Variants in CTNNA2 observed in about 807,000 individuals in gnomAD.
CTNNA2 encodes the protein catenin alpha-2.
A neutral mutation model predicts 101.0 loss-of-function variants in CTNNA2; 42 were observed. The observed-to-expected ratio is 0.42, with a 90% CI of 0.32 to 0.54. The LOEUF (loss-of-function observed/expected upper bound fraction) is 0.54. Ranked by LOEUF, CTNNA2 falls within the 20% of genes least tolerant of loss-of-function variation. The pLI is 0.14. For synonymous variants in CTNNA2, 450 were observed against 456.4 expected (o/e 0.99, Z 0.18); for missense variants, 871 against 1,223.1 (o/e 0.71, Z 4.29).
At chr2:79,601,147 T>C (rs1249545787) in intron 1 of CTNNA2, among the ~76,000 whole-genome samples, 1 of 152,182 alleles carries the variant, frequency 6.6e-6, no homozygotes, top group African/African-American at 2.4e-5. Flanking sequence ...TCAATTATTA[T>C]GGGAAGAAAT....
chr2:79,454,732 A>G (rs963455879), intron 4 of CTNNA2, among the ~76,000 whole-genome samples: 1 of 137,588 alleles, frequency 7.3e-6, no homozygotes, highest in Non-Finnish European at 1.6e-5. Flanking sequence ...CAGACTCATA[A>G]GAGAAACCTA....
chr2:79,890,138 C>A (rs1172685635), intron 6 of CTNNA2, among the ~76,000 whole-genome samples: 2 of 152,132 alleles, frequency 1.3e-5, no homozygotes, highest in East Asian at 3.9e-4. Flanking sequence ...TATGAGATTT[C>A]TTCTGCTTTG....
intron 12 of CTNNA2, among the ~76,000 whole-genome samples, chr2:80,569,460 A>C (rs1403791932): frequency 6.6e-6 from 1 of 152,022 alleles, no homozygotes; most frequent in East Asian, 1.9e-4. Flanking sequence ...TAATTCAGAA[A>C]GCAGAAAGAA....
In CTNNA2 at chr2:80,553,789, A is replaced by G. The variant is rs142274111; in HGVS notation, c.1541-1904A>G. 4.7e-3 allele frequency among the ~76,000 whole-genome samples: 721 copies of G among 152,310 alleles called. 4 individuals are homozygous for G. The highest frequency in any genetic ancestry group is 6.8e-3 in the Non-Finnish European group (464 of 68,022). On this transcript the variant is annotated intron_variant, in intron 11 of 18. Coordinates refer to ENST00000402739, the MANE Select transcript of CTNNA2 (RefSeq NM_001282597.3). ...CAGGACAGAAAGAGAAGCTTCTTTT[A>G]ATCAAAGTTTTACATTTAGAATTCT... is the stretch of plus-strand genomic sequence containing the variant.
chr2:80,066,408 C>T (rs1558774914), intron 7 of CTNNA2, among the ~76,000 whole-genome samples: 1 of 151,468 alleles, frequency 6.6e-6, no homozygotes, highest in Non-Finnish European at 1.5e-5. Context: ...AAACAAATAA[C>T]CCAATTACAA....
At chr2:80,641,269 C>T (rs1673453325) in intron 18 of CTNNA2, among the ~76,000 whole-genome samples, 1 of 152,108 alleles carries the variant, frequency 6.6e-6, no homozygotes, top group African/African-American at 2.4e-5. Context: ...GCCAGCGGTC[C>T]CATGACATTT....
chr2:79,645,653 A>G (rs1239805481), intron 1 of CTNNA2, among the ~76,000 whole-genome samples: 1 of 152,092 alleles, frequency 6.6e-6, no homozygotes, highest in African/African-American at 2.4e-5. Flanking sequence ...TCCCTACCCC[A>G]ATTGGTGTCT....
chr2:80,588,393 G>A (rs772487907), intron 14 of CTNNA2, among the ~76,000 whole-genome samples: 3 of 152,176 alleles, frequency 2.0e-5, no homozygotes, highest in Non-Finnish European at 4.4e-5. Context: ...GGAAGGCAGA[G>A]CATTGCCTTG....
intron 7 of CTNNA2, among the ~76,000 whole-genome samples, chr2:80,104,937 G>A (rs1700787344): frequency 6.6e-6 from 1 of 152,202 alleles, no homozygotes. Context: ...TGGCTCTTGT[G>A]TGACCTAAAA....
chr2:79,968,506 G>A (rs370004199), intron 7 of CTNNA2, among the ~76,000 whole-genome samples: 5 of 152,120 alleles, frequency 3.3e-5, no homozygotes, highest in East Asian at 1.9e-4. Flanking sequence ...AATAGTCTCC[G>A]TGGTCCATTC....
Position 79,859,380 on chromosome 2 carries a change from TCA to T in CTNNA2, c.465+1202_465+1203del, listed in dbSNP as rs572019566. On this transcript the variant is annotated intron_variant, in intron 4 of 18. Coordinates refer to ENST00000402739, the MANE Select transcript of CTNNA2 (RefSeq NM_001282597.3). Reference sequence around the variant, plus strand: ...AGGAATCATCAAGAAATTACTTAAATCATAACTATTCTCTGTCAAAAAACCTT... The same window carrying T: ...AGGAATCATCAAGAAATTACTTAAATTAACTATTCTCTGTCAAAAAACCTT... Among the ~76,000 whole-genome samples, 428 of 152,240 alleles carry T rather than the reference TCA, an allele frequency of 2.8e-3. 2 individuals are homozygous for T. The highest frequency in any genetic ancestry group is 9.6e-3 in the African/African-American group (399 of 41,546).
At position 79,823,084 on chromosome 2, in the gene CTNNA2, A is replaced by G. The variant is rs553931430; in HGVS notation, c.299-34929A>G. On this transcript the variant is annotated intron_variant, in intron 3 of 18. Transcript: ENST00000402739. ...GTTCCTTATCAACTTTACCTGGGTC[A>G]GATGCTCCCATCATAGCATCATAAC... Among the ~76,000 whole-genome samples, 5 of 152,316 alleles carry G rather than the reference A, an allele frequency of 3.3e-5. No homozygotes were observed. The South Asian group carries it at 1.0e-3, about 32-fold the overall frequency.
chr2:79,229,546 T>G (rs1674463970), intron 2 of CTNNA2, among the ~76,000 whole-genome samples: 1 of 152,118 alleles, frequency 6.6e-6, no homozygotes, highest in African/African-American at 2.4e-5. Flanking sequence ...CTTTTGTAAA[T>G]TGCCCAGTCT....
chr2:80,228,424 T>G (rs907576200), intron 7 of CTNNA2, among the ~76,000 whole-genome samples: 4 of 152,174 alleles, frequency 2.6e-5, no homozygotes, highest in Non-Finnish European at 5.9e-5. Context: ...TCTCTGCCTT[T>G]ATGACCTAAT....
At chr2:79,624,791 A>G (rs987136030) in intron 1 of CTNNA2, among the ~76,000 whole-genome samples, 3 of 152,206 alleles carry the variant, frequency 2.0e-5, no homozygotes, top group Non-Finnish European at 4.4e-5. Context: ...AATTAAGATC[A>G]GTTCTGGTGA....
At chr2:79,794,536 C>G (rs905842469) in intron 3 of CTNNA2, among the ~76,000 whole-genome samples, 1 of 152,156 alleles carries the variant, frequency 6.6e-6, no homozygotes, top group Non-Finnish European at 1.5e-5. Flanking sequence ...TCCAAAGTTT[C>G]CTCCCTGCCT....
intron 9 of CTNNA2, among the ~76,000 whole-genome samples, chr2:80,427,245 C>T (rs1459396717): frequency 6.6e-6 from 1 of 152,152 alleles, no homozygotes; most frequent in African/African-American, 2.4e-5. Context: ...TGGAGATCAG[C>T]AGTAAAGAGG....
intron 1 of CTNNA2, among the ~76,000 whole-genome samples, chr2:79,615,875 T>G (rs1054857239): frequency 6.6e-6 from 1 of 152,188 alleles, no homozygotes; most frequent in East Asian, 1.9e-4. Flanking sequence ...CAGTGATACA[T>G]GCAGGTGACT....
chr2:79,652,698 A>G (rs1681345555), intron 2 of CTNNA2, among the ~76,000 whole-genome samples: 1 of 152,068 alleles, frequency 6.6e-6, no homozygotes, highest in Non-Finnish European at 1.5e-5. Context: ...AAGGTAACAT[A>G]TTTACAGTTT....
Sources: gnomAD v4.1 joint callset for allele counts (sites outside exome capture counted in the v4.1 genomes callset) on GRCh38, gnomAD v4.1.1 for gene constraint, MANE v1.5 for transcripts, NCBI Gene and HGNC (gene_info 2026-07-23, HGNC 2026-07-21) for gene names.